The following TJP1 variants were observed in gnomAD, a reference collection of about 807,000 sequenced individuals.
TJP1 encodes tight junction protein 1.
A neutral mutation model predicts 194.2 loss-of-function variants in TJP1; 43 were observed. The ratio of observed to expected loss-of-function variants is 0.22; its 90% CI spans 0.17 to 0.29. The LOEUF is 0.29. Ranked by LOEUF, TJP1 falls within the 10% of genes least tolerant of loss-of-function variation. The pLI is 1.00. For synonymous variants in TJP1, 801 were observed against 779.0 expected, an observed-to-expected ratio of 1.03 and a Z score of -0.47; for missense variants, 1,971 against 2,185.7, an observed-to-expected ratio of 0.90 and a Z score of 1.96.
At chr15:29,791,119 C>A (rs566244931) in intron 2 of TJP1, among the ~76,000 whole-genome samples, 1 of 151,138 alleles carries the variant, frequency 6.6e-6, no homozygotes, top group Non-Finnish European at 1.5e-5. Context: ...CTCTGCCTCC[C>A]GGGTTGAAGC....
chr15:29,718,101 A>G lies in TJP1; in HGVS notation c.3894T>C (p.Ser1298=). The change falls in exon 22 of 28, where the codon TCT becomes TCC. Residue 1298 remains serine, a synonymous_variant. Coordinates refer to ENST00000614355, the MANE Select transcript of TJP1 (RefSeq NM_001330239.4). ...TGSFKPPEVA[S]KPSGAPIIGP... ...CAATGATGGGAGCACCTGAAGGTTTAGATGCTACTTCTGGAGGCTGTTTAA... is the reference window on the plus strand; with the variant it reads ...CAATGATGGGAGCACCTGAAGGTTTGGATGCTACTTCTGGAGGCTGTTTAA... 7 of 1,571,550 alleles carry G rather than the reference A, an allele frequency of 4.5e-6. No individual in the cohort carries two copies. Among genetic ancestry groups the G allele is most frequent in the Non-Finnish European group, 6.1e-6 (7 of 1,145,878 alleles).
rs190085265 is a variant in TJP1 at position 29,871,361 on chromosome 15, T to A, written c.307-70659A>T. ...TGGTTTTTCCGGCTGTGGTAGCTAATCAAAAATGACATCTCCTTCCAGCTC... is the reference window on the plus strand; with the variant it reads ...TGGTTTTTCCGGCTGTGGTAGCTAAACAAAAATGACATCTCCTTCCAGCTC... On this transcript the variant is annotated intron_variant, in intron 2 of 28. Coordinates refer to the TJP1 transcript ENST00000356107. Among the ~76,000 whole-genome samples the A allele has an allele frequency of 1.7e-4, 26 of 152,336 alleles. No homozygotes were observed. In the East Asian group the frequency reaches 4.4e-3, roughly 26 times the overall value.
intron 2 of TJP1, among the ~76,000 whole-genome samples, chr15:29,903,732 C>G (rs545154004): frequency 6.6e-6 from 1 of 152,326 alleles, no homozygotes; most frequent in East Asian, 1.9e-4. Flanking sequence ...GCGTGAGCTA[C>G]CACGCCCGGC....
At chr15:29,899,244 T>C (rs1054993513) in intron 2 of TJP1, among the ~76,000 whole-genome samples, 2 of 152,226 alleles carry the variant, frequency 1.3e-5, no homozygotes, top group Non-Finnish European at 2.9e-5. Flanking sequence ...CCCACTAGCA[T>C]GAAGAAATAA....
chr15:29,949,977 T>TCAC (rs1402231739), intron 2 of TJP1, among the ~76,000 whole-genome samples: 1 of 3,012 alleles, frequency 3.3e-4, no homozygotes, highest in African/African-American at 3.5e-3. Context: ...ACAACCATCT[T>TCAC]CACCACCACC....
chr15:29,709,081 T>A lies in TJP1; in HGVS notation c.4373-45A>T. On this transcript the variant is annotated intron_variant, in intron 24 of 27. Transcript: ENST00000614355. Reference sequence around the variant, plus strand: ...ATTTAAATAACTTTCTGAAAAAAGTTATAATAGCCCTGTCCCAGCTTAACT... The same window carrying A: ...ATTTAAATAACTTTCTGAAAAAAGTAATAATAGCCCTGTCCCAGCTTAACT... 1 of 1,548,596 alleles carries A rather than the reference T, an allele frequency of 6.5e-7. No homozygotes were observed. The highest frequency in any genetic ancestry group is 1.7e-4 in the Middle Eastern group (1 of 5,760).
Position 29,710,968 on chromosome 15 carries a change from C to T in TJP1, c.4235G>A (p.Arg1412Lys). 2 of 1,610,826 alleles carry T rather than the reference C, an allele frequency of 1.2e-6. No individual in the cohort carries two copies. The highest frequency in any genetic ancestry group is 8.5e-7 in the Non-Finnish European group (1 of 1,177,946). The change falls in exon 24 of 28, where the codon AGA (arginine) becomes AAA (lysine). Residue 1412 changes from arginine to lysine, a missense_variant. Around this residue, in one of 5 missense-constraint regions of TJP1, gnomAD observed 1,108 missense variants for 1,128.5 expected, o/e 0.98. Coordinates refer to ENST00000614355, the MANE Select transcript of TJP1 (RefSeq NM_001330239.4). ...TTCATAGCGTTTCTCGCCAAATGATCTATCCACACCATCAGCTTCAGGAGG... is the reference window on the plus strand; with the variant it reads ...TTCATAGCGTTTCTCGCCAAATGATTTATCCACACCATCAGCTTCAGGAGG... ...GKPPEADGVDRSFGEKRYEPI... is the reference protein window; with the variant it reads ...GKPPEADGVDKSFGEKRYEPI...
intron 1 of TJP1, among the ~76,000 whole-genome samples, chr15:29,812,339 C>T (rs922850779): frequency 3.3e-5 from 5 of 152,132 alleles, no homozygotes; most frequent in Admixed American, 6.5e-5. Context: ...ATATATTTCA[C>T]AATAAAAAGA....
chr15:29,810,329 AATTTTCCACTT>A (rs1158116411), intron 1 of TJP1, among the ~76,000 whole-genome samples: 1 of 152,184 alleles, frequency 6.6e-6, no homozygotes, highest in Non-Finnish European at 1.5e-5. Context: ...TAGGTTTGAA[AATTTTCCACTT>A]AAAAGAAGGT....
chr15:29,822,105 A>G lies in TJP1; in HGVS notation c.-77T>C. 8.1e-7 allele frequency: 1 copy of G among 1,229,810 alleles called. No homozygotes were observed. The allele number at this position is 1,229,810 out of a possible 1,614,324, so 76.2% of individuals were successfully genotyped here. On this transcript the variant is annotated 5_prime_UTR_variant, in exon 1 of 28. Transcript: ENST00000614355. Reference sequence around the variant, plus strand: ...CGCTGGCCCGCCCGCTCCTCACGCCACAGCCCAAATAAACATCTCCCGAGA... The same window carrying G: ...CGCTGGCCCGCCCGCTCCTCACGCCGCAGCCCAAATAAACATCTCCCGAGA...
chr15:29,949,066 C>T (rs1386960048), intron 2 of TJP1, among the ~76,000 whole-genome samples: 36 of 150,276 alleles, frequency 2.4e-4, no homozygotes, highest in Non-Finnish European at 4.6e-4. Flanking sequence ...CCACCACCAC[C>T]TCTACCACCA....
chr15:29,940,446 T>C (rs2055030786), intron 2 of TJP1, among the ~76,000 whole-genome samples: 1 of 152,232 alleles, frequency 6.6e-6, no homozygotes, highest in African/African-American at 2.4e-5. Flanking sequence ...CCATTTTTCA[T>C]TCTAATGCTC....
chr15:29,821,262 G>C (rs1411162148), intron 1 of TJP1, among the ~76,000 whole-genome samples: 1 of 152,100 alleles, frequency 6.6e-6, no homozygotes, highest in African/African-American at 2.4e-5. Context: ...AAAAGTAACA[G>C]GAAAAACGTT....
At chr15:29,812,385 A>C (rs1314871507) in intron 1 of TJP1, among the ~76,000 whole-genome samples, 1 of 152,242 alleles carries the variant, frequency 6.6e-6, no homozygotes. Context: ...GACTTAAGTC[A>C]GGGTAACTTA....
intron 2 of TJP1, among the ~76,000 whole-genome samples, chr15:29,775,865 A>T (rs2046984568): frequency 6.6e-6 from 1 of 152,138 alleles, no homozygotes; most frequent in Non-Finnish European, 1.5e-5. Context: ...TAAACGGCCC[A>T]ATTTCTGGAG....
intron 2 of TJP1, among the ~76,000 whole-genome samples, chr15:29,912,547 A>C (rs1033589212): frequency 1.3e-5 from 2 of 152,020 alleles, no homozygotes; most frequent in Non-Finnish European, 2.9e-5. Flanking sequence ...GTCTCTACTA[A>C]AATACAAAAA....
intron 2 of TJP1, among the ~76,000 whole-genome samples, chr15:29,788,014 T>C (rs1278789897): frequency 9.9e-5 from 15 of 152,212 alleles, no homozygotes. Flanking sequence ...CTAGTGGGTG[T>C]GAAGGGGTAT....
At chr15:29,887,324 G>A (rs1484841237) in intron 2 of TJP1, among the ~76,000 whole-genome samples, 4 of 149,198 alleles carry the variant, frequency 2.7e-5, no homozygotes, top group African/African-American at 4.9e-5. Flanking sequence ...TTTTTGAGAC[G>A]GAGTTTTGCT....
At chr15:29,902,926 C>T (rs554707701) in intron 2 of TJP1, among the ~76,000 whole-genome samples, 80 of 152,012 alleles carry the variant, frequency 5.3e-4, no homozygotes, top group Non-Finnish European at 5.1e-4. Flanking sequence ...CCCAGCTACT[C>T]GGGAAGCTGA....
Sources: allele counts gnomAD v4.1 joint callset (sites outside exome capture counted in the v4.1 genomes callset), GRCh38; gene constraint gnomAD v4.1.1; regional missense constraint gnomAD v4.1.1; transcripts MANE v1.5; gene names NCBI Gene and HGNC (gene_info 2026-07-23, HGNC 2026-07-21).